RHPN1: variants seen among roughly 807,000 people sequenced by gnomAD.
RHPN1 encodes the protein rhophilin-1.
A neutral mutation model predicts 74.7 loss-of-function variants in RHPN1; 77 were observed. The ratio of observed to expected loss-of-function variants is 1.03; its 90% CI spans 0.86 to 1.25. The LOEUF (loss-of-function observed/expected upper bound fraction) is 1.25, where lower values mean the gene tolerates loss of function less well. Among genes scored for constraint, RHPN1 ranks in the 50% most tolerant of loss-of-function variants. RHPN1 has a pLI of 0.00. For synonymous variants in RHPN1, 444 were observed against 414.5 expected (o/e 1.07, Z -0.87); for missense variants, 987 against 932.2 (o/e 1.06, Z -0.77).
At chr8:143,370,181 C>A (rs543052284) in intron 1 of RHPN1, among the ~76,000 whole-genome samples, 1 of 152,270 alleles carries the variant, frequency 6.6e-6, no homozygotes, top group South Asian at 2.1e-4. Flanking sequence ...CCGGAGGTGA[C>A]GCTTTTCAGG....
chr8:143,377,404 C>T lies in RHPN1; in HGVS notation c.330C>T (p.Ile110=). ...GCGAAGCTGTCACTGTCCCCATGATCCCCCTGGGCCTGAAGGAGACCAAGG... is the reference window on the plus strand; with the variant it reads ...GCGAAGCTGTCACTGTCCCCATGATTCCCCTGGGCCTGAAGGAGACCAAGG... ...HGSEAVTVPM[I]PLGLKETKEL... The change falls in exon 4 of 15, where the codon ATC becomes ATT. Residue 110 remains isoleucine (I), a synonymous_variant. Coordinates refer to ENST00000289013, the MANE Select transcript of RHPN1 (RefSeq NM_052924.3). The T allele has an allele frequency of 1.9e-6, 3 of 1,613,182 alleles. No homozygotes were observed. The highest frequency in any genetic ancestry group is 2.2e-5 in the East Asian group (1 of 44,880).
chr8:143,382,357 T>C, intron 14 of RHPN1, 79 bp from the exon 15 acceptor site: 1 of 1,319,062 alleles, frequency 7.6e-7, no homozygotes, highest in Non-Finnish European at 1.1e-6. Context: ...CCCAGGTGGT[T>C]CTCACCCCTC....
chr8:143,375,576 C>T lies in RHPN1; in HGVS notation c.84C>T (p.Ile28=), dbSNP rs34876718. 7 of 1,601,876 alleles carry T rather than the reference C, an allele frequency of 4.4e-6. No homozygotes were observed. Among genetic ancestry groups the T allele is most frequent in the African/African-American group, 1.3e-5 (1 of 74,246 alleles). The change falls in exon 2 of 15, where the codon ATC becomes ATT. Residue 28 remains isoleucine (I), a synonymous_variant. Coordinates refer to ENST00000289013, the MANE Select transcript of RHPN1 (RefSeq NM_052924.3). The part of the protein sequence containing the change: ...RLQGCDSLTQ[I]QCGQLQSRRA... ...AGGGCTGTGACTCCCTGACGCAGAT[C>T]CAGTGCGGCCAGCTGCAGAGCCGCA...
rs1007163771 is a variant in RHPN1 at position 143,380,184 on chromosome 8, C to T, written c.1216+9C>T. On this transcript the variant is annotated intron_variant, in intron 10 of 14. Transcript: ENST00000289013. ...GGAGCGCAGGCAGCTTGGTAAGGCG[C>T]CCATGGGTGGAGTGCCCTGGGGCTC... is the stretch of plus-strand genomic sequence containing the variant. The T allele has an allele frequency of 2.0e-6, 3 of 1,525,084 alleles. No homozygotes were observed. The highest frequency in any genetic ancestry group is 2.8e-5 in the African/African-American group (2 of 72,606). 94.5% of individuals were successfully genotyped at this position (1,525,084 alleles called of 1,614,324 possible). A position where few individuals can be genotyped will look rare whatever the true frequency, so the allele number is the denominator to read the frequency against.
upstream of RHPN1, chr8:143,368,833 G>T: frequency 2.5e-6 from 1 of 397,360 alleles, no homozygotes; most frequent in Non-Finnish European, 4.2e-6. Context: ...CCGCGCCGCG[G>T]GCCGCCCCCA....
intron 1 of RHPN1, among the ~76,000 whole-genome samples, 185 bp downstream of exon 1, chr8:143,369,232 C>T (rs1041450852): frequency 6.6e-6 from 1 of 152,154 alleles, no homozygotes; most frequent in African/African-American, 2.4e-5. Flanking sequence ...TTCCAGGCCA[C>T]TCATGTGAGC....
chr8:143,376,859 T>C (rs1199160748), intron 3 of RHPN1, among the ~76,000 whole-genome samples: 1 of 7,276 alleles, frequency 1.4e-4, no homozygotes, highest in African/African-American at 5.5e-4. Context: ...TGCGTGTGTC[T>C]CTGTGTGTAT....
At chr8:143,379,534 T>G in intron 8 of RHPN1, 26 bp downstream of exon 8, 1 of 1,524,972 alleles carries the variant, frequency 6.6e-7, no homozygotes, top group Non-Finnish European at 8.8e-7. Context: ...CGTGTCAGGA[T>G]GCAGGGGGTG....
rs541647371 is a variant in RHPN1 at position 143,376,926 on chromosome 8, GTGTC to G, written c.305+277_305+280del. ...TGCGCGTGTGTCTGTGTGTCTGCATGTGTCTGTGTGTGCATCTCTGTGCGTGTGT... is the reference window on the plus strand; with the variant it reads ...TGCGCGTGTGTCTGTGTGTCTGCATGTGTGTGTGCATCTCTGTGCGTGTGT... On this transcript the variant is annotated intron_variant, in intron 3 of 14. Transcript: ENST00000289013. Among the ~76,000 whole-genome samples the G allele has an allele frequency of 7.0e-3, 1,051 of 149,996 alleles. 8 individuals carry two copies. Among genetic ancestry groups the G allele is most frequent in the Non-Finnish European group, 0.011 (735 of 67,740 alleles).
At chr8:143,369,819 T>C (rs1422443558) in intron 1 of RHPN1, among the ~76,000 whole-genome samples, 2 of 152,188 alleles carry the variant, frequency 1.3e-5, no homozygotes, top group African/African-American at 2.4e-5. Context: ...CGCGCGGCCC[T>C]CCTCCCCTCT....
intron 1 of RHPN1, among the ~76,000 whole-genome samples, chr8:143,369,433 C>T (rs1817683344): frequency 6.6e-6 from 1 of 152,238 alleles, no homozygotes; most frequent in African/African-American, 2.4e-5. Flanking sequence ...CCTCTGCATC[C>T]GCTCAGGAAC....
rs916322336 is a variant in RHPN1, at chr8:143,384,198, T to C, written c.*1547T>C. 1 of 146,018 alleles carries C rather than the reference T, an allele frequency of 6.8e-6. No homozygotes were observed. Among genetic ancestry groups the C allele is most frequent in the Non-Finnish European group, 1.5e-5 (1 of 64,752 alleles). 9.0% of individuals were successfully genotyped at this position (146,018 alleles called of 1,614,324 possible). A position where few individuals can be genotyped will look rare whatever the true frequency, so the allele number is the denominator to read the frequency against. ...GTCTCCCCAGCACGTGTTAATTTGG[T>C]TAATAAAACTGTGGATCAAGGAGGC... On this transcript the variant is annotated 3_prime_UTR_variant, in exon 15 of 15. Coordinates refer to ENST00000289013, the MANE Select transcript of RHPN1 (RefSeq NM_052924.3).
chr8:143,366,508 AACACAC>A (rs10642629), upstream of RHPN1: 4,706 of 148,680 alleles, frequency 0.032, 100 homozygotes, highest in Non-Finnish European at 0.044. Flanking sequence ...ACCCCCCTCC[AACACAC>A]ACACACACAC....
chr8:143,374,460 A>G (rs1053608562), intron 1 of RHPN1, among the ~76,000 whole-genome samples: 2 of 152,248 alleles, frequency 1.3e-5, no homozygotes, highest in Non-Finnish European at 2.9e-5. Flanking sequence ...CCTGACTCAG[A>G]CCAGGCTCGC....
At chr8:143,376,733 G>A (rs1818251995) in intron 3 of RHPN1, 80 bp downstream of exon 3, 2 of 1,433,790 alleles carry the variant, frequency 1.4e-6, no homozygotes, top group Non-Finnish European at 1.9e-6. Flanking sequence ...GTGCACGCAT[G>A]TGTGTCTCTG....
Position 143,380,073 on chromosome 8 carries a change from G to A in RHPN1, c.1114G>A (p.Gly372Arg), listed in dbSNP as rs903014871. The A allele has an allele frequency of 3.9e-6, 6 of 1,549,522 alleles. No homozygotes were observed. In the African/African-American group the frequency reaches 8.2e-5, roughly 21 times the overall value. The part of the protein sequence containing the change: ...ALCDGSPATE[G>R]ELPTHEQVFL... ...TCTCTGTCCCCCAGCAGCGACCGAG[G>A]GAGAGCTCCCCACGCACGAGCAGGT... Residue 372 changes from glycine (G) to arginine (R), a missense_variant, in exon 10 of 15, where the codon GGA becomes AGA. By Grantham distance (125) the Gly-to-Arg change is moderately radical. Coordinates refer to ENST00000289013, the MANE Select transcript of RHPN1 (RefSeq NM_052924.3).
chr8:143,375,432 C>T (rs1818146822), intron 1 of RHPN1, 121 bp from the exon 2 acceptor site: 9 of 637,616 alleles, frequency 1.4e-5, no homozygotes, highest in South Asian at 8.6e-5. Flanking sequence ...GCTCCAGCCC[C>T]AGCGCATGGT....
At chr8:143,377,046 GTGTGT>G (rs1272427776) in intron 3 of RHPN1, among the ~76,000 whole-genome samples, 87 of 52,624 alleles carry the variant, frequency 1.7e-3, no homozygotes, top group African/African-American at 4.3e-3. Flanking sequence ...GTGTGTCTGT[GTGTGT>G]CTGTGTGTGC....
chr8:143,380,764 C>G lies in RHPN1; in HGVS notation c.1392C>G (p.Ala464=). The G allele has an allele frequency of 6.3e-7, 1 of 1,581,424 alleles. No individual in the cohort carries two copies. Among genetic ancestry groups the G allele is most frequent in the African/African-American group, 1.3e-5 (1 of 74,406 alleles). Residue 464 remains alanine, a synonymous_variant, in exon 11 of 15, where the codon GCC becomes GCG. Transcript: ENST00000289013. ...GTGAGGATGACTTCTGTGAGGCTGCCGAGGCCCCGGACATCCAGCGTGAGC... is the reference window on the plus strand; with the variant it reads ...GTGAGGATGACTTCTGTGAGGCTGCGGAGGCCCCGGACATCCAGCGTGAGC... ...LDREDDFCEA[A]EAPDIQPKTH...
Sources: gnomAD v4.1 joint callset for allele counts (sites outside exome capture counted in the v4.1 genomes callset) on GRCh38, gnomAD v4.1.1 for gene constraint, MANE v1.5 for transcripts, NCBI Gene and HGNC (gene_info 2026-07-23, HGNC 2026-07-21) for gene names.